ST6GALNAC3: variants seen among roughly 807,000 people sequenced by gnomAD.
ST6GALNAC3 encodes the protein ST6 N-acetylgalactosaminide alpha-2,6-sialyltransferase 3, also known as alpha-N-acetylgalactosaminide alpha-2,6-sialyltransferase 3.
ST6GALNAC3 carries 25 observed loss-of-function variants against 32.7 expected under a neutral mutation model. The ratio of observed to expected loss-of-function variants is 0.76; its 90% confidence interval spans 0.56 to 1.07. The LOEUF is 1.07. Ranked by LOEUF, ST6GALNAC3 falls within the 50% of genes least tolerant of loss-of-function variation. The pLI is 0.00. For missense variants in ST6GALNAC3, 355 were observed against 382.4 expected (o/e 0.93, Z 0.60); for synonymous variants, 129 against 133.1 (o/e 0.97, Z 0.21).
At chr1:76,384,113 T>A (rs754919877) in intron 2 of ST6GALNAC3, among the ~76,000 whole-genome samples, 1 of 152,124 alleles carries the variant, frequency 6.6e-6, no homozygotes, top group African/African-American at 2.4e-5. Context: ...ATTGCTTAAC[T>A]ATGTAAAAAA....
At chr1:76,513,878 TAGTTA>T (rs1337482287) in intron 3 of ST6GALNAC3, among the ~76,000 whole-genome samples, 1 of 152,176 alleles carries the variant, frequency 6.6e-6, no homozygotes, top group Non-Finnish European at 1.5e-5. Context: ...ATCACTTCCT[TAGTTA>T]AGTTTATTCC....
intron 1 of ST6GALNAC3, among the ~76,000 whole-genome samples, chr1:76,241,172 T>C (rs1169107380): frequency 6.6e-6 from 1 of 152,178 alleles, no homozygotes; most frequent in East Asian, 1.9e-4. Context: ...TCCAAAATAG[T>C]AGTCACTAGC....
intron 3 of ST6GALNAC3, among the ~76,000 whole-genome samples, chr1:76,505,099 C>T (rs1011496204): frequency 3.3e-5 from 5 of 151,022 alleles, no homozygotes; most frequent in African/African-American, 9.7e-5. Flanking sequence ...TTTTTAGTAG[C>T]GATAGAAGCA....
chr1:76,234,173 G>T (rs1340471846), intron 1 of ST6GALNAC3, among the ~76,000 whole-genome samples: 6 of 152,056 alleles, frequency 3.9e-5, no homozygotes, highest in Non-Finnish European at 5.9e-5. Context: ...CCTTCATTCA[G>T]CTCTCTGAAC....
At chr1:76,112,467 G>A (rs1426710029) in intron 1 of ST6GALNAC3, among the ~76,000 whole-genome samples, 15 of 148,780 alleles carry the variant, frequency 1.0e-4, no homozygotes, top group Non-Finnish European at 3.0e-5. Context: ...CCGGGCGGGG[G>A]GCTAACCTCC....
intron 3 of ST6GALNAC3, among the ~76,000 whole-genome samples, chr1:76,433,957 T>C (rs1356806720): frequency 6.6e-6 from 1 of 152,216 alleles, no homozygotes; most frequent in East Asian, 1.9e-4. Flanking sequence ...ATCTATTTAT[T>C]CATTCATTTA....
intron 3 of ST6GALNAC3, among the ~76,000 whole-genome samples, chr1:76,584,797 G>A (rs1383156185): frequency 6.6e-6 from 1 of 152,192 alleles, no homozygotes; most frequent in African/African-American, 2.4e-5. Flanking sequence ...GTTGAATTGA[G>A]CTTTCTCAAA....
At chr1:76,431,364 T>G (rs939984783) in intron 3 of ST6GALNAC3, among the ~76,000 whole-genome samples, 1 of 152,290 alleles carries the variant, frequency 6.6e-6, no homozygotes, top group Middle Eastern at 3.4e-3. Context: ...ATTTGATAAT[T>G]TTTACTTTAT....
chr1:76,369,124 C>T (rs564677612), intron 2 of ST6GALNAC3, among the ~76,000 whole-genome samples: 4 of 152,194 alleles, frequency 2.6e-5, no homozygotes, highest in South Asian at 2.1e-4. Context: ...AATCAGAATC[C>T]GATGTAACCA....
intron 1 of ST6GALNAC3, among the ~76,000 whole-genome samples, chr1:76,278,111 T>C (rs1332157656): frequency 7.6e-6 from 1 of 130,878 alleles, no homozygotes; most frequent in Non-Finnish European, 1.5e-5. Flanking sequence ...TAATGTTGAG[T>C]CTTTCTATCT....
chr1:76,253,203 C>A (rs1465726331), intron 1 of ST6GALNAC3, among the ~76,000 whole-genome samples: 1 of 151,866 alleles, frequency 6.6e-6, no homozygotes, highest in African/African-American at 2.4e-5. Context: ...TCCCAGAAGC[C>A]CTTAGACTCC....
chr1:76,142,533 T>G (rs1479373532), intron 1 of ST6GALNAC3, among the ~76,000 whole-genome samples: 2 of 152,168 alleles, frequency 1.3e-5, no homozygotes, highest in Admixed American at 1.3e-4. Flanking sequence ...CAGGACACTC[T>G]CAGGGTGAAT....
At chr1:76,370,103 C>T (rs776313773) in intron 2 of ST6GALNAC3, among the ~76,000 whole-genome samples, 4 of 152,094 alleles carry the variant, frequency 2.6e-5, no homozygotes, top group African/African-American at 4.8e-5. Flanking sequence ...GCAGCAGGAC[C>T]GCAGCAGGAA....
At chr1:76,544,109 A>C (rs559752055) in intron 3 of ST6GALNAC3, among the ~76,000 whole-genome samples, 2 of 150,578 alleles carry the variant, frequency 1.3e-5, no homozygotes, top group East Asian at 3.9e-4. Context: ...ATGAAATTTA[A>C]ATTGAGCTAC....
intron 1 of ST6GALNAC3, among the ~76,000 whole-genome samples, chr1:76,093,236 T>C (rs893718043): frequency 2.0e-5 from 3 of 152,196 alleles, no homozygotes; most frequent in Admixed American, 6.5e-5. Context: ...AGAATACATA[T>C]GAAAAGAAGG....
At chr1:76,434,731 CT>C (rs967830334) in intron 3 of ST6GALNAC3, among the ~76,000 whole-genome samples, 49 of 144,712 alleles carry the variant, frequency 3.4e-4, no homozygotes, top group African/African-American at 1.2e-3. Context: ...TATGCATCTG[CT>C]TTTTATGAGC....
At chr1:76,534,502 C>G (rs1283326252) in intron 3 of ST6GALNAC3, among the ~76,000 whole-genome samples, 5 of 152,144 alleles carry the variant, frequency 3.3e-5, no homozygotes, top group Admixed American at 6.5e-5. Context: ...TTACTATAAA[C>G]TAGACTCTTA....
At chr1:76,531,939 A>T (rs971746065) in intron 3 of ST6GALNAC3, among the ~76,000 whole-genome samples, 11 of 152,300 alleles carry the variant, frequency 7.2e-5, no homozygotes, top group African/African-American at 2.6e-4. Flanking sequence ...CCTGTTATTA[A>T]GGTGAGGGTC....
At chr1:76,232,614 C>T (rs568468958) in intron 1 of ST6GALNAC3, among the ~76,000 whole-genome samples, 2 of 152,206 alleles carry the variant, frequency 1.3e-5, no homozygotes, top group African/African-American at 4.8e-5. Flanking sequence ...CTTCCTCTTC[C>T]CTCAGATAGC....
Sources: allele counts gnomAD v4.1 joint callset (sites outside exome capture counted in the v4.1 genomes callset), GRCh38; gene constraint gnomAD v4.1.1; transcripts MANE v1.5; gene names NCBI Gene and HGNC (gene_info 2026-07-23, HGNC 2026-07-21).